The following ALDH3A2 variants were observed in gnomAD, a reference collection of about 807,000 sequenced individuals.
ALDH3A2 encodes the protein aldehyde dehydrogenase 3 family member A2, also known as aldehyde dehydrogenase family 3 member A2.
Under a neutral mutation model 51.3 loss-of-function variants are expected in ALDH3A2, and 36 were observed. The observed-to-expected ratio is 0.70, with a 90% CI of 0.54 to 0.93. ALDH3A2 has a LOEUF of 0.93. Among genes scored for constraint, ALDH3A2 ranks in the 40% least tolerant of loss-of-function variants. The probability of loss-of-function intolerance (pLI) is 0.00; values close to 1 mark genes in which losing one functional copy is unlikely to be tolerated. For synonymous variants in ALDH3A2, 199 were observed against 219.8 expected (o/e 0.91, Z 0.84); for missense variants, 552 against 603.1 (o/e 0.92, Z 0.89).
chr17:19,665,606 A>T (rs2085026953), intron 8 of ALDH3A2, among the ~76,000 whole-genome samples: 1 of 152,098 alleles, frequency 6.6e-6, no homozygotes, highest in Non-Finnish European at 1.5e-5. Flanking sequence ...TCTAGAGAGG[A>T]TGGGCAGAAA....
At chr17:19,657,112 C>G (rs186364062) in intron 4 of ALDH3A2, among the ~76,000 whole-genome samples, 1 of 152,370 alleles carries the variant, frequency 6.6e-6, no homozygotes, top group Admixed American at 6.5e-5. Flanking sequence ...AGAACTGACT[C>G]TGTGCTCTGG....
intron 5 of ALDH3A2, 99 bp from the exon 6 acceptor site, chr17:19,661,028 T>C: frequency 8.3e-7 from 1 of 1,200,296 alleles, no homozygotes; most frequent in Non-Finnish European, 1.2e-6. Context: ...TGTGAGGATA[T>C]AAAACCAGAT....
Position 19,657,822 on chromosome 17 carries a change from T to C in ALDH3A2, c.758T>C (p.Leu253Pro), listed in dbSNP as rs1247051053. The C allele has an allele frequency of 6.2e-7, 1 of 1,613,616 alleles. No homozygotes were observed. Among genetic ancestry groups the C allele is most frequent in the Admixed American group, 1.7e-5 (1 of 60,024 alleles). The change falls in exon 5 of 10, where the codon CTC becomes CCC. Residue 253 changes from leucine to proline, a missense_variant. Coordinates refer to ENST00000176643, the MANE Select transcript of ALDH3A2 (RefSeq NM_000382.3). ...APDYILCEAS[L>P]QNQIVWKIKE... is the part of the protein sequence containing the mutation. ...GACTATATTCTCTGTGAAGCATCCCTCCAAAATCAAATTGTATGGAAGATT... is the reference window on the plus strand; with the variant it reads ...GACTATATTCTCTGTGAAGCATCCCCCCAAAATCAAATTGTATGGAAGATT...
intron 3 of ALDH3A2, 126 bp from the exon 4 acceptor site, chr17:19,656,240 A>G (rs1302547868): frequency 2.3e-6 from 2 of 883,890 alleles, no homozygotes; most frequent in Non-Finnish European, 3.7e-6. Flanking sequence ...CCCATCCCTC[A>G]CAGGGACTGG....
chr17:19,662,733 A>G (rs2084982376), intron 6 of ALDH3A2, among the ~76,000 whole-genome samples: 2 of 152,202 alleles, frequency 1.3e-5, no homozygotes, highest in Non-Finnish European at 2.9e-5. Context: ...AAAGCACTCG[A>G]GTTAAGAAAA....
chr17:19,655,494 A>G (rs2084882686), intron 3 of ALDH3A2: 1 of 152,240 alleles, frequency 6.6e-6, no homozygotes, highest in Non-Finnish European at 1.5e-5. Context: ...TAGGGGATCA[A>G]TAATATATGC....
At chr17:19,661,477 T>G in intron 6 of ALDH3A2, 1 of 583,100 alleles carries the variant, frequency 1.7e-6, no homozygotes, top group Non-Finnish European at 2.9e-6. Flanking sequence ...CCACCAGCGT[T>G]GCTCCAGTTG....
intron 9 of ALDH3A2, 195 bp from the exon 10 acceptor site, chr17:19,675,362 GA>G (rs767285607): frequency 7.7e-5 from 48 of 624,308 alleles, no homozygotes; most frequent in Non-Finnish European, 4.3e-5. Flanking sequence ...GTTTTTTGAG[GA>G]AGGGCATAAT....
At position 19,651,765 on chromosome 17, in the gene ALDH3A2, A is replaced by C. The variant is rs938078943; in HGVS notation, c.372A>C (p.Gly124=). 6.2e-7 allele frequency: 1 copy of C among 1,614,098 alleles called. No individual in the cohort carries two copies. The highest frequency in any genetic ancestry group is 8.5e-7 in the Non-Finnish European group (1 of 1,179,988). ...PFVLTIQPLI[G]AIAAGNAVII... is the part of the protein sequence containing the mutation. ...TTCTCACCATTCAGCCACTGATAGG[A>C]GCCATCGCTGCAGGTCTGGTGCCAC... The change falls in exon 2 of 10, where the codon GGA becomes GGC. Residue 124 remains glycine, a synonymous_variant. Transcript: ENST00000176643.
intron 8 of ALDH3A2, among the ~76,000 whole-genome samples, chr17:19,671,369 C>G (rs1304312377): frequency 6.6e-6 from 1 of 152,210 alleles, no homozygotes; most frequent in African/African-American, 2.4e-5. Context: ...AGCTCCCTTT[C>G]CCTCTCTGGA....
chr17:19,656,540 A>G lies in ALDH3A2; in HGVS notation c.646A>G (p.Ile216Val), dbSNP rs772822042. Residue 216 changes from isoleucine (I) to valine (V), a missense_variant, in exon 4 of 10, where the codon ATT (isoleucine) becomes GTT (valine). Ile to Val is a conservative substitution (Grantham distance 29). Coordinates refer to ENST00000176643, the MANE Select transcript of ALDH3A2 (RefSeq NM_000382.3). ...ACTGGGAGGGAAAAGTCCATGTTAT[A>G]TTGATAAAGATTGTGACCTGGACAT... ...LELGGKSPCY[I>V]DKDCDLDIVC... 14 of 1,613,696 alleles carry G rather than the reference A, an allele frequency of 8.7e-6. No homozygotes were observed. The highest frequency in any genetic ancestry group is 1.2e-5 in the Non-Finnish European group (14 of 1,179,886).
intron 3 of ALDH3A2, among the ~76,000 whole-genome samples, chr17:19,653,895 G>T (rs1173143029): frequency 6.6e-6 from 1 of 152,166 alleles, no homozygotes; most frequent in African/African-American, 2.4e-5. Context: ...GGTGCTGATT[G>T]GTGCGTTTAC....
intron 5 of ALDH3A2, among the ~76,000 whole-genome samples, chr17:19,658,076 GT>G (rs1448707503): frequency 6.6e-6 from 1 of 152,206 alleles, no homozygotes; most frequent in Non-Finnish European, 1.5e-5. Flanking sequence ...TACTTAAACT[GT>G]CTAGTTGATT....
In ALDH3A2 at chr17:19,648,950, C is replaced by CAGTT; in HGVS notation, c.-21_-18dup. 1 of 1,573,694 alleles carries CAGTT rather than the reference C, an allele frequency of 6.4e-7. No individual in the cohort carries two copies. The highest frequency in any genetic ancestry group is 8.6e-7 in the Non-Finnish European group (1 of 1,160,560). Reference sequence around the variant, plus strand: ...CACTCCCCAGCGCCCCCGGACCGTGCAGTTCTCTGCAGGACCAGGCCATGG... The same window carrying CAGTT: ...CACTCCCCAGCGCCCCCGGACCGTGCAGTTAGTTCTCTGCAGGACCAGGCCATGG... On this transcript the variant is annotated 5_prime_UTR_variant, in exon 1 of 10. Transcript: ENST00000176643.
At chr17:19,673,034 C>G (rs1017949950) in intron 9 of ALDH3A2, 22 of 1,352,980 alleles carry the variant, frequency 1.6e-5, no homozygotes, top group Non-Finnish European at 2.3e-5. Flanking sequence ...GAGCGAGACT[C>G]CATCTCAACA....
At chr17:19,666,868 TACAA>T (rs1197070827) in intron 8 of ALDH3A2, among the ~76,000 whole-genome samples, 1 of 150,242 alleles carries the variant, frequency 6.7e-6, no homozygotes, top group Non-Finnish European at 1.5e-5. Flanking sequence ...AAATTAAAAA[TACAA>T]AAAGAAGATG....
rs141640491 is a variant in ALDH3A2, at chr17:19,666,954, G to T, written c.1207+1907G>T. Among the ~76,000 whole-genome samples the T allele has an allele frequency of 2.0e-3, 310 of 151,792 alleles. 4 individuals carry two copies. The East Asian group carries it at 0.048, about 23-fold the overall frequency. On this transcript the variant is annotated intron_variant, in intron 8 of 9. Coordinates refer to ENST00000176643, the MANE Select transcript of ALDH3A2 (RefSeq NM_000382.3). ...AATACATTATTATAGTGGCCATGCTGTAAAAAAATAAAAATAAAAAATAAA... is the reference window on the plus strand; with the variant it reads ...AATACATTATTATAGTGGCCATGCTTTAAAAAAATAAAAATAAAAAATAAA...
intron 9 of ALDH3A2, among the ~76,000 whole-genome samples, chr17:19,672,874 C>G (rs1322912066): frequency 1.3e-5 from 2 of 152,014 alleles, no homozygotes; most frequent in African/African-American, 4.8e-5. Context: ...AACCCTGTCT[C>G]TACTAAAAAT....
intron 5 of ALDH3A2, among the ~76,000 whole-genome samples, chr17:19,658,762 A>T (rs1597559145): frequency 1.3e-5 from 2 of 150,318 alleles, no homozygotes; most frequent in African/African-American, 5.0e-5. Flanking sequence ...AAAAAAAAAA[A>T]AAAGAAGAAT....
Sources: allele counts gnomAD v4.1 joint callset (sites outside exome capture counted in the v4.1 genomes callset), GRCh38; gene constraint gnomAD v4.1.1; transcripts MANE v1.5; gene names NCBI Gene and HGNC (gene_info 2026-07-23, HGNC 2026-07-21).